Variants in KIF16B observed in about 807,000 individuals in gnomAD.
The protein encoded by KIF16B is kinesin family member 16B, also known as kinesin-like protein KIF16B.
Under a neutral mutation model 156.3 loss-of-function variants are expected in KIF16B, and 98 were observed. That is an observed-to-expected ratio of 0.63 (90% CI 0.53 to 0.74). The LOEUF is 0.74. Among genes scored for constraint, KIF16B ranks in the 30% least tolerant of loss-of-function variants. The probability of loss-of-function intolerance (pLI) is 0.00; values close to 1 mark genes in which losing one functional copy is unlikely to be tolerated. For missense variants in KIF16B, 1,421 were observed against 1,606.5 expected, an observed-to-expected ratio of 0.88 and a Z score of 1.97; for synonymous variants, 564 against 583.7, an observed-to-expected ratio of 0.97 and a Z score of 0.49.
chr20:16,542,164 T>G lies in KIF16B; in HGVS notation c.48-13724A>C, dbSNP rs975270556. 3.9e-5 allele frequency among the ~76,000 whole-genome samples: 6 copies of G among 152,206 alleles called. 1 individual carries two copies. The highest frequency in any genetic ancestry group is 6.5e-5 in the Admixed American group (1 of 15,298). On this transcript the variant is annotated intron_variant, in intron 1 of 25. Coordinates refer to ENST00000354981, the MANE Select transcript of KIF16B (RefSeq NM_024704.5). ...AGGCAGATACTTTATTTTTTTCAGC[T>G]GAAAGGAGAATAGCCTAACAATCAG...
chr20:16,305,592 A>G (rs980508023), intron 25 of KIF16B, among the ~76,000 whole-genome samples: 1 of 152,242 alleles, frequency 6.6e-6, no homozygotes, highest in African/African-American at 2.4e-5. Context: ...ATAATTAACT[A>G]TAATAGCCAC....
At chr20:16,399,428 T>A (rs1437896157) in intron 17 of KIF16B, among the ~76,000 whole-genome samples, 1 of 152,218 alleles carries the variant, frequency 6.6e-6, no homozygotes, top group East Asian at 1.9e-4. Context: ...CTGAGATGAC[T>A]GAGCCTCGGT....
At chr20:16,346,298 T>C (rs1178038780) in intron 23 of KIF16B, among the ~76,000 whole-genome samples, 1 of 152,124 alleles carries the variant, frequency 6.6e-6, no homozygotes. Flanking sequence ...GTAACACAAA[T>C]GGGAGGTGTA....
chr20:16,327,068 T>TATAC (rs1555845825), intron 24 of KIF16B, among the ~76,000 whole-genome samples: 3 of 142,976 alleles, frequency 2.1e-5, no homozygotes, highest in Non-Finnish European at 4.6e-5. Flanking sequence ...TGTATACATG[T>TATAC]ACACACACAC....
intron 12 of KIF16B, among the ~76,000 whole-genome samples, chr20:16,441,079 TG>T (rs1246465074): frequency 6.6e-6 from 1 of 152,170 alleles, no homozygotes; most frequent in East Asian, 1.9e-4. Flanking sequence ...TTCACCTACA[TG>T]GAAGACCAAA....
In KIF16B at chr20:16,504,453, A is replaced by G; in HGVS notation, c.1095T>C (p.Asn365=). The change falls in exon 10 of 26, where the codon AAT becomes AAC. Residue 365 remains asparagine, a synonymous_variant. Transcript: ENST00000354981. ...GGATAAGTTTGACGTTGGCATCCTC[A>G]TTAATGGTAGGCTTGTTGATGATGT... The part of the protein sequence containing the change: ...AKNIINKPTI[N]EDANVKLIRE... 1 of 1,614,116 alleles carries G rather than the reference A, an allele frequency of 6.2e-7. No individual in the cohort carries two copies. The highest frequency in any genetic ancestry group is 8.5e-7 in the Non-Finnish European group (1 of 1,179,992).
At chr20:16,309,830 T>C (rs970429566) in intron 25 of KIF16B, among the ~76,000 whole-genome samples, 3 of 152,216 alleles carry the variant, frequency 2.0e-5, no homozygotes, top group Admixed American at 6.5e-5. Flanking sequence ...TTTATATATA[T>C]GACTAGGTAA....
Position 16,462,452 on chromosome 20 carries a change from TG to T in KIF16B, c.1302+31838del, listed in dbSNP as rs558776140. ...CCAAACAGAGAAAATTCAAATATAC[TG>T]GAAGTTAAGCCTTCTTAATCAAGAC... On this transcript the variant is annotated intron_variant, in intron 12 of 25. Transcript: ENST00000354981. 3.7e-3 allele frequency among the ~76,000 whole-genome samples: 569 copies of T among 152,238 alleles called. 4 individuals are homozygous for T. Among genetic ancestry groups the T allele is most frequent in the African/African-American group, 0.013 (549 of 41,564 alleles).
intron 12 of KIF16B, among the ~76,000 whole-genome samples, chr20:16,467,887 G>A (rs1417077347): frequency 1.3e-5 from 2 of 152,016 alleles, no homozygotes; most frequent in African/African-American, 4.8e-5. Flanking sequence ...TGCTAGGAAA[G>A]GAGAGAAAAT....
intron 15 of KIF16B, among the ~76,000 whole-genome samples, chr20:16,420,750 T>G (rs1600350907): frequency 1.3e-5 from 2 of 152,044 alleles, no homozygotes; most frequent in Non-Finnish European, 2.9e-5. Flanking sequence ...CCAAATACAG[T>G]GAGGTCCATT....
chr20:16,353,136 G>T (rs922928114), intron 23 of KIF16B, among the ~76,000 whole-genome samples: 2 of 152,208 alleles, frequency 1.3e-5, no homozygotes, highest in Admixed American at 6.5e-5. Flanking sequence ...AAACTGAAGA[G>T]AATAGTCTCT....
chr20:16,346,214 G>A (rs1045389581), intron 23 of KIF16B, among the ~76,000 whole-genome samples: 2 of 152,236 alleles, frequency 1.3e-5, no homozygotes, highest in African/African-American at 4.8e-5. Flanking sequence ...TGCAGGAAGA[G>A]CCTGGTTCTA....
In KIF16B at chr20:16,273,442, T is replaced by C. The variant is rs570284431; in HGVS notation, c.3796-31A>G. ...GAAGAGACAAGAGTTAAGAACATGGTCAATTGGGAGGTCAAGGCGGGTGGG... is the reference window on the plus strand; with the variant it reads ...GAAGAGACAAGAGTTAAGAACATGGCCAATTGGGAGGTCAAGGCGGGTGGG... On this transcript the variant is annotated intron_variant, in intron 25 of 25. Coordinates refer to ENST00000354981, the MANE Select transcript of KIF16B (RefSeq NM_024704.5). 8.7e-6 allele frequency: 14 copies of C among 1,609,740 alleles called. No individual in the cohort carries two copies. In the African/African-American group the frequency reaches 1.5e-4, roughly 17 times the overall value.
At chr20:16,310,195 G>A (rs766804596) in intron 25 of KIF16B, among the ~76,000 whole-genome samples, 25 of 152,228 alleles carry the variant, frequency 1.6e-4, no homozygotes, top group Non-Finnish European at 3.5e-4. Context: ...CTGTTCTCTA[G>A]AGGATAATGC....
chr20:16,378,756 C>T, intron 19 of KIF16B, 49 bp downstream of exon 19: 1 of 1,479,374 alleles, frequency 6.8e-7, no homozygotes, highest in South Asian at 1.4e-5. Context: ...GAAAAATGAG[C>T]ACTCATTTGG....
Position 16,370,513 on chromosome 20 carries a change from A to G in KIF16B, c.3498+73T>C, listed in dbSNP as rs1600225645. On this transcript the variant is annotated intron_variant, in intron 22 of 25. Coordinates refer to ENST00000354981, the MANE Select transcript of KIF16B (RefSeq NM_024704.5). ...CAAAATTCTAATTATGCAACTAGAC[A>G]TTAAGAAAATGTAATCACATGAGCA... 2.4e-6 allele frequency: 3 copies of G among 1,258,284 alleles called. No homozygotes were observed. In the East Asian group the frequency reaches 7.9e-5, roughly 33 times the overall value. The allele number at this position is 1,258,284 out of a possible 1,614,324, so 77.9% of individuals were successfully genotyped here.
rs543669418 is a variant in KIF16B, at chr20:16,370,554, C to A, written c.3498+32G>T. The stretch of plus-strand genomic sequence containing the variant: ...CACATGAGCATGCCATAATTTAAGG[C>A]GACCCTATCAATCTGAAAAATCATT... On this transcript the variant is annotated intron_variant, in intron 22 of 25. Coordinates refer to ENST00000354981, the MANE Select transcript of KIF16B (RefSeq NM_024704.5). 6.5e-6 allele frequency: 10 copies of A among 1,527,928 alleles called. 1 individual carries two copies. The East Asian group carries it at 7.2e-5, about 11-fold the overall frequency. 94.6% of individuals were successfully genotyped at this position (1,527,928 alleles called of 1,614,324 possible).
intron 1 of KIF16B, among the ~76,000 whole-genome samples, chr20:16,557,198 T>C (rs1489128078): frequency 6.6e-6 from 1 of 151,564 alleles, no homozygotes; most frequent in Non-Finnish European, 1.5e-5. Flanking sequence ...ATATGTTTTT[T>C]GAGATGGAGT....
chr20:16,496,376 A>C (rs2068452664), intron 11 of KIF16B, among the ~76,000 whole-genome samples: 1 of 152,260 alleles, frequency 6.6e-6, no homozygotes, highest in Admixed American at 6.5e-5. Flanking sequence ...CTAGCTTAGA[A>C]AAAGTAAGCA....
Sources: allele counts gnomAD v4.1 joint callset (sites outside exome capture counted in the v4.1 genomes callset), GRCh38; gene constraint gnomAD v4.1.1; transcripts MANE v1.5; gene names NCBI Gene and HGNC (gene_info 2026-07-23, HGNC 2026-07-21).